The following PARP11 variants were observed in gnomAD, a reference collection of about 807,000 sequenced individuals.
PARP11 encodes protein mono-ADP-ribosyltransferase PARP11.
A neutral mutation model predicts 42.9 loss-of-function variants in PARP11; 31 were observed. That is an observed-to-expected ratio of 0.72 (90% CI 0.54 to 0.98). PARP11 has a LOEUF of 0.98. Ranked by LOEUF, PARP11 falls within the 50% of genes least tolerant of loss-of-function variation. The pLI, the probability that PARP11 is intolerant of heterozygous loss-of-function variation, is 0.00. For synonymous variants in PARP11, 137 were observed against 127.3 expected (o/e 1.08, Z -0.51); for missense variants, 365 against 413.1 (o/e 0.88, Z 1.01).
Position 3,873,322 on chromosome 12 carries a change from G to A in PARP11, c.-93C>T. 1 of 1,238,642 alleles carries A rather than the reference G, an allele frequency of 8.1e-7. No individual in the cohort carries two copies. The allele number at this position is 1,238,642 out of a possible 1,614,324, so 76.7% of individuals were successfully genotyped here. ...TTTTTTTTTTCCCGCGGGTCCCCGG[G>A]AGCGAAGGGACGGAGATGCAACCTT... On this transcript the variant is annotated 5_prime_UTR_variant, in exon 1 of 8. Coordinates refer to ENST00000228820, the MANE Select transcript of PARP11 (RefSeq NM_020367.6).
intron 1 of PARP11, among the ~76,000 whole-genome samples, chr12:3,844,976 T>C (rs550905034): frequency 6.6e-6 from 1 of 152,328 alleles, no homozygotes; most frequent in Admixed American, 6.5e-5. Context: ...CATATTTCTT[T>C]ATAAGAGAAT....
chr12:3,870,011 G>A (rs749485794), intron 1 of PARP11, among the ~76,000 whole-genome samples: 12 of 152,172 alleles, frequency 7.9e-5, no homozygotes, highest in Non-Finnish European at 1.5e-4. Context: ...GCAGGATGGA[G>A]CACAATGGCA....
At chr12:3,836,001 A>T (rs1157407973) in intron 1 of PARP11, among the ~76,000 whole-genome samples, 5 of 151,956 alleles carry the variant, frequency 3.3e-5, no homozygotes, top group Non-Finnish European at 7.4e-5. Context: ...AAACTATCCA[A>T]ATTTGTAAAT....
At chr12:3,822,285 T>C in intron 4 of PARP11, 128 bp from the exon 5 acceptor site, 1 of 713,012 alleles carries the variant, frequency 1.4e-6, no homozygotes, top group Non-Finnish European at 2.4e-6. Context: ...AATACAGCCT[T>C]CCGTTTCTTC....
chr12:3,844,946 T>C (rs1947969910), intron 1 of PARP11, among the ~76,000 whole-genome samples: 1 of 152,256 alleles, frequency 6.6e-6, no homozygotes, highest in African/African-American at 2.4e-5. Flanking sequence ...TTTAACTGTT[T>C]ATGTCATACT....
rs59321607 is a variant in PARP11 at position 3,859,559 on chromosome 12, T to TA, written c.18+13652dup. Among the ~76,000 whole-genome samples, 716 of 112,426 alleles carry TA rather than the reference T, an allele frequency of 6.4e-3. 8 individuals are homozygous for TA. The highest frequency in any genetic ancestry group is 0.019 in the African/African-American group (490 of 26,414). 73.8% of individuals were successfully genotyped at this position (112,426 alleles called of 152,430 possible). ...CCTGGGTGACAGAGTGAGACTCTGC[T>TA]AAAAAAAAAAAAAAAAAAGGCAGAT... On this transcript the variant is annotated intron_variant, in intron 1 of 7. Transcript: ENST00000228820.
At position 3,809,293 on chromosome 12, in the gene PARP11, A is replaced by G. The variant is rs1947125492; in HGVS notation, c.*2830T>C. On this transcript the variant is annotated 3_prime_UTR_variant, in exon 8 of 8. Coordinates refer to ENST00000228820, the MANE Select transcript of PARP11 (RefSeq NM_020367.6). ...TACCAAAACAAAGAAATAAAATTTTAACATCCATTAACTCTGTACTATCAT... is the reference window on the plus strand; with the variant it reads ...TACCAAAACAAAGAAATAAAATTTTGACATCCATTAACTCTGTACTATCAT... 1 of 152,210 alleles carries G rather than the reference A, an allele frequency of 6.6e-6. No homozygotes were observed. Among genetic ancestry groups the G allele is most frequent in the African/African-American group, 2.4e-5 (1 of 41,468 alleles). The allele number at this position is 152,210 out of a possible 1,614,324, so 9.4% of individuals were successfully genotyped here. A position where few individuals can be genotyped will look rare whatever the true frequency, so the allele number is the denominator to read the frequency against.
intron 1 of PARP11, among the ~76,000 whole-genome samples, chr12:3,846,856 A>G (rs373054564): frequency 2.6e-5 from 4 of 152,060 alleles, no homozygotes; most frequent in African/African-American, 9.7e-5. Context: ...AGGCTGAGGT[A>G]GGAGGATCAT....
intron 1 of PARP11, chr12:3,872,760 G>A (rs1948512668): frequency 2.0e-6 from 2 of 985,308 alleles, no homozygotes; most frequent in Middle Eastern, 5.2e-4. Flanking sequence ...CAGGTTCCAA[G>A]GCCAGTTACT....
chr12:3,870,473 G>T (rs773069805), intron 1 of PARP11, among the ~76,000 whole-genome samples: 3 of 152,170 alleles, frequency 2.0e-5, no homozygotes, highest in Non-Finnish European at 4.4e-5. Context: ...AACAAATCAA[G>T]TATATAAGAC....
chr12:3,823,153 G>A (rs1031413758), intron 4 of PARP11, among the ~76,000 whole-genome samples: 7 of 152,064 alleles, frequency 4.6e-5, no homozygotes, highest in African/African-American at 1.7e-4. Flanking sequence ...CCGATCTTTA[G>A]TTTACTTTTT....
At position 3,811,712 on chromosome 12, in the gene PARP11, A is replaced by C. The variant is rs1947181266; in HGVS notation, c.*411T>G. ...CCTGAATTCAATTTACAAAGGATCA[A>C]TTCCTCTAAAGGGACACATTTATGT... On this transcript the variant is annotated 3_prime_UTR_variant, in exon 8 of 8. Coordinates refer to ENST00000228820, the MANE Select transcript of PARP11 (RefSeq NM_020367.6). 1 of 157,494 alleles carries C rather than the reference A, an allele frequency of 6.3e-6. No individual in the cohort carries two copies. Among genetic ancestry groups the C allele is most frequent in the South Asian group, 2.0e-4 (1 of 4,978 alleles). The allele number at this position is 157,494 out of a possible 1,614,324, so 9.8% of individuals were successfully genotyped here.
chr12:3,872,276 G>T (rs978729723), intron 1 of PARP11, among the ~76,000 whole-genome samples: 1 of 152,050 alleles, frequency 6.6e-6, no homozygotes, highest in African/African-American at 2.4e-5. Flanking sequence ...TGGGTCCTAC[G>T]CATAAAAATA....
chr12:3,870,712 C>T (rs1948461109), intron 1 of PARP11, among the ~76,000 whole-genome samples: 1 of 152,116 alleles, frequency 6.6e-6, no homozygotes, highest in South Asian at 2.1e-4. Context: ...AGAGAAAAAC[C>T]CCTGTCCTTG....
intron 1 of PARP11, among the ~76,000 whole-genome samples, chr12:3,858,567 A>G (rs546745611): frequency 1.3e-5 from 2 of 152,318 alleles, no homozygotes; most frequent in Admixed American, 6.5e-5. Flanking sequence ...TGGTCCCTCA[A>G]TCGCTTCTGA....
intron 3 of PARP11, among the ~76,000 whole-genome samples, chr12:3,826,978 C>T (rs1231078511): frequency 6.6e-6 from 1 of 152,188 alleles, no homozygotes; most frequent in Non-Finnish European, 1.5e-5. Context: ...ATTATGTTTA[C>T]CCACCCAGGC....
intron 1 of PARP11, among the ~76,000 whole-genome samples, chr12:3,866,990 A>T (rs1293431252): frequency 6.6e-6 from 1 of 152,248 alleles, no homozygotes; most frequent in Non-Finnish European, 1.5e-5. Flanking sequence ...TCCTTGACAC[A>T]TATACAGTAT....
At chr12:3,873,141 G>A (rs1591548824) in intron 1 of PARP11, 71 bp downstream of exon 1, 3 of 1,343,212 alleles carry the variant, frequency 2.2e-6, no homozygotes, top group Middle Eastern at 2.5e-4. Flanking sequence ...AAGCAGTTCC[G>A]GTGACCCCCT....
intron 1 of PARP11, 87 bp from the exon 2 acceptor site, chr12:3,830,105 A>G: frequency 8.0e-7 from 1 of 1,248,080 alleles, no homozygotes; most frequent in Non-Finnish European, 1.1e-6. Flanking sequence ...CTTTACAAAG[A>G]GTGGTATTCA....
Sources: gnomAD v4.1 joint callset for allele counts (sites outside exome capture counted in the v4.1 genomes callset) on GRCh38, gnomAD v4.1.1 for gene constraint, MANE v1.5 for transcripts, NCBI Gene and HGNC (gene_info 2026-07-23, HGNC 2026-07-21) for gene names.